The following LRRTM4 variants were observed in gnomAD, a reference collection of about 807,000 sequenced individuals.
The protein encoded by LRRTM4 is leucine rich repeat transmembrane neuronal 4.
LRRTM4 carries 25 observed loss-of-function variants against 47.6 expected under a neutral mutation model. That is an observed-to-expected ratio of 0.53 (90% CI 0.38 to 0.73). The LOEUF is 0.73. Ranked by LOEUF, LRRTM4 falls within the 30% of genes least tolerant of loss-of-function variation. LRRTM4 has a pLI of 0.00. For missense variants in LRRTM4, 638 were observed against 713.4 expected, an observed-to-expected ratio of 0.89 and a Z score of 1.20; for synonymous variants, 311 against 269.5, an observed-to-expected ratio of 1.15 and a Z score of -1.51.
chr2:76,983,607 CAG>C (rs1426663103), intron 3 of LRRTM4, among the ~76,000 whole-genome samples: 2 of 152,018 alleles, frequency 1.3e-5, no homozygotes, highest in Non-Finnish European at 2.9e-5. Flanking sequence ...GTTTAAATTA[CAG>C]AGTCTCAGGT....
At chr2:76,781,084 C>G (rs1265591356) in intron 3 of LRRTM4, among the ~76,000 whole-genome samples, 2 of 143,410 alleles carry the variant, frequency 1.4e-5, no homozygotes, top group East Asian at 1.9e-4. Flanking sequence ...GGGTCAGGGA[C>G]CCACTTGAGG....
chr2:77,001,945 C>G (rs1677445919), intron 3 of LRRTM4, among the ~76,000 whole-genome samples: 1 of 152,150 alleles, frequency 6.6e-6, no homozygotes, highest in South Asian at 2.1e-4. Context: ...CCCTCCTGCT[C>G]CAAGTATGAA....
At chr2:76,975,984 T>C (rs984810969) in intron 3 of LRRTM4, among the ~76,000 whole-genome samples, 29 of 151,864 alleles carry the variant, frequency 1.9e-4, no homozygotes, top group African/African-American at 6.8e-4. Context: ...TTAGGTTTTC[T>C]TCATTTCTTG....
intron 3 of LRRTM4, among the ~76,000 whole-genome samples, chr2:77,149,211 TA>T (rs533991889): frequency 1.8e-3 from 271 of 152,224 alleles, no homozygotes; most frequent in African/African-American, 6.3e-3. Flanking sequence ...AATTTTAATA[TA>T]AAAAATAAAA....
At chr2:76,988,434 G>T in intron 3 of LRRTM4, among the ~76,000 whole-genome samples, 1 of 151,756 alleles carries the variant, frequency 6.6e-6, no homozygotes, top group East Asian at 1.9e-4. Context: ...AGAGAAATTT[G>T]TTCTCCATAA....
intron 3 of LRRTM4, among the ~76,000 whole-genome samples, chr2:76,990,774 T>C (rs2103991598): frequency 6.6e-6 from 1 of 151,774 alleles, no homozygotes; most frequent in East Asian, 1.9e-4. Context: ...ATTCTGAACT[T>C]AAATTTATAC....
intron 3 of LRRTM4, among the ~76,000 whole-genome samples, chr2:76,834,368 T>C (rs1448485912): frequency 6.6e-6 from 1 of 151,956 alleles, no homozygotes; most frequent in Non-Finnish European, 1.5e-5. Flanking sequence ...GCCCTTATTT[T>C]TGTACTTAGA....
At chr2:76,980,718 C>T (rs1398664569) in intron 3 of LRRTM4, among the ~76,000 whole-genome samples, 1 of 151,902 alleles carries the variant, frequency 6.6e-6, no homozygotes, top group Non-Finnish European at 1.5e-5. Context: ...GTGAGCCCAG[C>T]CAGCATTTGG....
chr2:77,406,190 A>G (rs969067999), intron 3 of LRRTM4, among the ~76,000 whole-genome samples: 1 of 152,122 alleles, frequency 6.6e-6, no homozygotes, highest in Admixed American at 6.6e-5. Context: ...TGAGAAAAAA[A>G]GATATACCTG....
intron 3 of LRRTM4, among the ~76,000 whole-genome samples, chr2:77,338,651 G>A (rs911886186): frequency 1.3e-5 from 2 of 151,884 alleles, no homozygotes; most frequent in Non-Finnish European, 2.9e-5. Context: ...ACTGTTGATG[G>A]GAATGTAAAT....
At chr2:77,417,560 C>A (rs1674685236) in intron 3 of LRRTM4, among the ~76,000 whole-genome samples, 1 of 152,048 alleles carries the variant, frequency 6.6e-6, no homozygotes, top group African/African-American at 2.4e-5. Context: ...CACTATGCAG[C>A]CATAAAATAT....
intron 3 of LRRTM4, among the ~76,000 whole-genome samples, chr2:77,287,640 T>C (rs575270188): frequency 6.6e-6 from 1 of 152,158 alleles, no homozygotes; most frequent in South Asian, 2.1e-4. Context: ...GTGCAGGACA[T>C]GAATTATTTC....
chr2:76,961,382 T>TGCCAA lies in LRRTM4; in HGVS notation c.1552-212471_1552-212467dup, dbSNP rs975996617. On this transcript the variant is annotated intron_variant, in intron 3 of 3. Transcript: ENST00000409884. ...ATGGAACATCACAGATCTGTTAGCT[T>TGCCAA]GCCAATATTTTTATACATCAAAGAA... is the stretch of plus-strand genomic sequence containing the variant. Among the ~76,000 whole-genome samples the TGCCAA allele has an allele frequency of 3.3e-5, 5 of 150,656 alleles. No homozygotes were observed. In the Admixed American group the frequency reaches 3.4e-4, roughly 10 times the overall value.
chr2:76,765,885 G>A (rs1461420503), intron 3 of LRRTM4, among the ~76,000 whole-genome samples: 2 of 152,210 alleles, frequency 1.3e-5, no homozygotes, highest in African/African-American at 4.8e-5. Flanking sequence ...TGTAGCTGCA[G>A]CTGATGAAGC....
At chr2:76,878,298 C>G (rs1461852442) in intron 3 of LRRTM4, among the ~76,000 whole-genome samples, 1 of 152,030 alleles carries the variant, frequency 6.6e-6, no homozygotes, top group Non-Finnish European at 1.5e-5. Context: ...CTCTCTCTCT[C>G]CTTGGGTCTC....
chr2:77,349,407 C>G (rs1015476946), intron 3 of LRRTM4, among the ~76,000 whole-genome samples: 3 of 151,704 alleles, frequency 2.0e-5, no homozygotes, highest in African/African-American at 7.2e-5. Flanking sequence ...AACAGAAACA[C>G]TCTAACATCT....
intron 3 of LRRTM4, among the ~76,000 whole-genome samples, chr2:77,171,678 A>T (rs1673052779): frequency 6.6e-6 from 1 of 151,914 alleles, no homozygotes; most frequent in Non-Finnish European, 1.5e-5. Flanking sequence ...AAATTAAAAT[A>T]TATACAAACC....
Position 77,132,802 on chromosome 2 carries a change from A to T in LRRTM4, c.1552-383886T>A, listed in dbSNP as rs114235894. ...GCTCTTAAGTTTTAACACATGAATT[A>T]TGGGAGACATTCAGATCAACACAGA... On this transcript the variant is annotated intron_variant, in intron 3 of 3. Coordinates refer to ENST00000409884, the MANE Select transcript of LRRTM4 (RefSeq NM_001134745.3). Among the ~76,000 whole-genome samples, 1,428 of 152,284 alleles carry T rather than the reference A, an allele frequency of 9.4e-3. 23 individuals are homozygous for T. The highest frequency in any genetic ancestry group is 0.037 in the Middle Eastern group (11 of 294).
chr2:77,133,660 G>A (rs1007034944), intron 3 of LRRTM4, among the ~76,000 whole-genome samples: 7 of 152,126 alleles, frequency 4.6e-5, no homozygotes, highest in African/African-American at 1.7e-4. Flanking sequence ...ATATTTCGAT[G>A]TTGGATGAAA....
Sources: allele counts gnomAD v4.1 joint callset (sites outside exome capture counted in the v4.1 genomes callset), GRCh38; gene constraint gnomAD v4.1.1; transcripts MANE v1.5; gene names NCBI Gene and HGNC (gene_info 2026-07-23, HGNC 2026-07-21).